The following EFHD1 variants were observed in gnomAD, a reference collection of about 807,000 sequenced individuals.
EFHD1 encodes the protein EF-hand domain-containing protein D1.
A neutral mutation model predicts 17.2 loss-of-function variants in EFHD1; 10 were observed. The observed-to-expected ratio is 0.58, with a 90% CI of 0.36 to 0.99. EFHD1 has a LOEUF of 0.99. EFHD1 is among the 50% of genes least tolerant of loss of function. The pLI, the probability that EFHD1 is intolerant of heterozygous loss-of-function variation, is 0.01. For missense variants in EFHD1, 310 were observed against 327.5 expected, an observed-to-expected ratio of 0.95 and a Z score of 0.41; for synonymous variants, 153 against 142.0, an observed-to-expected ratio of 1.08 and a Z score of -0.55.
Position 232,682,005 on chromosome 2 carries a change from G to T in EFHD1, c.*286G>T. 1 of 365,866 alleles carries T rather than the reference G, an allele frequency of 2.7e-6. No individual in the cohort carries two copies. The highest frequency in any genetic ancestry group is 4.9e-6 in the Non-Finnish European group (1 of 203,006). 22.7% of individuals were successfully genotyped at this position (365,866 alleles called of 1,614,324 possible). A position where few individuals can be genotyped will look rare whatever the true frequency, so the allele number is the denominator to read the frequency against. On this transcript the variant is annotated 3_prime_UTR_variant, in exon 4 of 4. Transcript: ENST00000264059. ...TCTCAGCAACCTTCACTTTGTCCTT[G>T]TCCCTTTACCATTCCCCATCAAAGA...
chr2:232,654,399 T>C (rs1694717394), intron 1 of EFHD1, among the ~76,000 whole-genome samples: 2 of 149,358 alleles, frequency 1.3e-5, no homozygotes, highest in Admixed American at 6.7e-5. Flanking sequence ...AAAGGATGAC[T>C]TTTCTTTTCT....
intron 2 of EFHD1, among the ~76,000 whole-genome samples, chr2:232,664,356 G>T (rs187248303): frequency 1.3e-5 from 2 of 150,344 alleles, no homozygotes; most frequent in East Asian, 4.0e-4. Context: ...GCCCAGGCTG[G>T]TCTCCGACTC....
At chr2:232,609,922 G>A (rs1046922697) in intron 1 of EFHD1, among the ~76,000 whole-genome samples, 7 of 152,176 alleles carry the variant, frequency 4.6e-5, no homozygotes, top group Admixed American at 6.5e-5. Flanking sequence ...GAGAAGCACC[G>A]TTTGCCTTTG....
intron 1 of EFHD1, among the ~76,000 whole-genome samples, chr2:232,635,669 A>T (rs1462828555): frequency 6.6e-6 from 1 of 152,108 alleles, no homozygotes; most frequent in Admixed American, 6.5e-5. Flanking sequence ...AAATCCAAGA[A>T]TTAGCCGGGA....
intron 1 of EFHD1, 102 bp downstream of exon 1, chr2:232,634,108 G>A (rs1015155543): frequency 6.6e-7 from 1 of 1,504,936 alleles, no homozygotes; most frequent in Non-Finnish European, 8.8e-7. Flanking sequence ...GAGGGGTCCC[G>A]GGGTGCAGGT....
chr2:232,647,951 T>C (rs560215557), intron 1 of EFHD1, among the ~76,000 whole-genome samples: 16 of 152,250 alleles, frequency 1.1e-4, no homozygotes, highest in African/African-American at 3.6e-4. Context: ...TTCAGAACTT[T>C]TATGCAGACC....
intron 1 of EFHD1, among the ~76,000 whole-genome samples, chr2:232,609,054 CTT>C (rs1244427931): frequency 0.059 from 4,814 of 82,200 alleles, 358 homozygotes; most frequent in African/African-American, 0.22. Context: ...TGCATAAGTT[CTT>C]TTTTTTTTTT....
chr2:232,652,974 A>C (rs1336325704), intron 1 of EFHD1, among the ~76,000 whole-genome samples: 1 of 151,524 alleles, frequency 6.6e-6, no homozygotes. Context: ...TTTTTATTAT[A>C]CTTTTTGTTT....
At chr2:232,632,003 C>CA (rs538543210), upstream of EFHD1, among the ~76,000 whole-genome samples, 40,144 of 136,568 alleles carry the variant, frequency 0.29, 6,514 homozygotes, top group Middle Eastern at 0.41. Context: ...AACTCCATCT[C>CA]AAAAAAAAAA....
intron 1 of EFHD1, among the ~76,000 whole-genome samples, chr2:232,652,737 G>A (rs998549855): frequency 6.6e-6 from 1 of 152,148 alleles, no homozygotes; most frequent in African/African-American, 2.4e-5. Flanking sequence ...GCTGTGTGCA[G>A]TTCCCTAGGT....
intron 1 of EFHD1, among the ~76,000 whole-genome samples, chr2:232,652,780 A>G (rs758243994): frequency 1.5e-4 from 23 of 152,234 alleles, no homozygotes; most frequent in South Asian, 4.1e-4. Context: ...AGCAGATAGA[A>G]TAGTGAGATG....
chr2:232,626,013 G>C (rs1694098537), intron 1 of EFHD1, among the ~76,000 whole-genome samples: 1 of 151,766 alleles, frequency 6.6e-6, no homozygotes, highest in East Asian at 1.9e-4. Flanking sequence ...AACATGGCAA[G>C]ACCACGTCTC....
At chr2:232,628,635 T>TAAAA (rs1694147859), upstream of EFHD1, among the ~76,000 whole-genome samples, 1 of 152,194 alleles carries the variant, frequency 6.6e-6, no homozygotes, top group African/African-American at 2.4e-5. Flanking sequence ...AAATCTTTTC[T>TAAAA]TGTCCAGATG....
intron 1 of EFHD1, chr2:232,606,542 G>T: frequency 2.9e-6 from 1 of 342,914 alleles, no homozygotes; most frequent in Non-Finnish European, 5.7e-6. Flanking sequence ...ACCCGGCGCT[G>T]GGGCTGGGGG....
chr2:232,650,475 G>A (rs1219585115), intron 1 of EFHD1, among the ~76,000 whole-genome samples: 1 of 147,872 alleles, frequency 6.8e-6, no homozygotes, highest in Non-Finnish European at 1.5e-5. Flanking sequence ...TGTATTTTTA[G>A]TAGAGACAGG....
intron 1 of EFHD1, among the ~76,000 whole-genome samples, chr2:232,651,763 A>C (rs1395033746): frequency 6.6e-6 from 1 of 152,254 alleles, no homozygotes; most frequent in South Asian, 2.1e-4. Context: ...CGGATGTTGT[A>C]GTGAGCCGAG....
At chr2:232,636,608 G>A (rs929275508) in intron 1 of EFHD1, among the ~76,000 whole-genome samples, 4 of 152,088 alleles carry the variant, frequency 2.6e-5, no homozygotes, top group Non-Finnish European at 5.9e-5. Context: ...GGCGGATCAT[G>A]AGGTCAGGAG....
intron 2 of EFHD1, among the ~76,000 whole-genome samples, chr2:232,665,201 C>T (rs1694947903): frequency 6.6e-6 from 1 of 152,156 alleles, no homozygotes; most frequent in African/African-American, 2.4e-5. Flanking sequence ...GAGATACTGG[C>T]ATCCCACCAG....
chr2:232,617,570 C>T (rs1355849702), intron 1 of EFHD1, among the ~76,000 whole-genome samples: 2 of 150,224 alleles, frequency 1.3e-5, no homozygotes, highest in African/African-American at 2.5e-5. Flanking sequence ...AGGAGAATGG[C>T]GTGAACCCAG....
Sources: allele counts gnomAD v4.1 joint callset (sites outside exome capture counted in the v4.1 genomes callset), GRCh38; gene constraint gnomAD v4.1.1; transcripts MANE v1.5; gene names NCBI Gene and HGNC (gene_info 2026-07-23, HGNC 2026-07-21).